MIIP: variants seen among roughly 807,000 people sequenced by gnomAD.
The protein encoded by MIIP is migration and invasion-inhibitory protein.
A neutral mutation model predicts 44.8 loss-of-function variants in MIIP; 44 were observed. The observed-to-expected ratio is 0.98, with a 90% confidence interval of 0.77 to 1.26. The LOEUF is 1.26. Ranked by LOEUF, MIIP falls within the 50% of genes most tolerant of loss-of-function variation. MIIP has a pLI of 0.00. For missense variants in MIIP, 496 were observed against 511.7 expected (o/e 0.97, Z 0.30); for synonymous variants, 225 against 218.3 (o/e 1.03, Z -0.27).
intron 6 of MIIP, 106 bp downstream of exon 6, chr1:12,029,387 C>T (rs763660475): frequency 2.4e-6 from 3 of 1,267,484 alleles, no homozygotes; most frequent in South Asian, 1.4e-5. Flanking sequence ...CTGGGGAGGC[C>T]CCTGAGATGT....
At chr1:12,030,464 C>T (rs1340872677) in intron 8 of MIIP, among the ~76,000 whole-genome samples, 1 of 152,000 alleles carries the variant, frequency 6.6e-6, no homozygotes, top group Non-Finnish European at 1.5e-5. Flanking sequence ...TGCTGTACCC[C>T]CACCCTGCAG....
chr1:12,028,883 G>A lies in MIIP; in HGVS notation c.548-150G>A, dbSNP rs1196245342. ...CCAACCAACAGTCCCAGTGACTGGA[G>A]GGGCCCTCCTGGCCTGTTTGAGGCA... On this transcript the variant is annotated intron_variant, in intron 4 of 9. Coordinates refer to ENST00000235332, the MANE Select transcript of MIIP (RefSeq NM_021933.4). 6 of 627,814 alleles carry A rather than the reference G, an allele frequency of 9.6e-6. No homozygotes were observed. The East Asian group carries it at 1.6e-4, about 17-fold the overall frequency. The allele number at this position is 627,814 out of a possible 1,614,324, so 38.9% of individuals were successfully genotyped here.
rs746180536 is a variant in MIIP at position 12,031,420 on chromosome 1, A to G, written c.1080+17A>G. Reference sequence around the variant, plus strand: ...TTTCACCCGGTACGGTCCAGATCGCATCCTAGCCTGGGGTGCCCCCTAGAG... The same window carrying G: ...TTTCACCCGGTACGGTCCAGATCGCGTCCTAGCCTGGGGTGCCCCCTAGAG... On this transcript the variant is annotated intron_variant, in intron 9 of 9. Transcript: ENST00000235332. The G allele has an allele frequency of 6.2e-7, 1 of 1,609,074 alleles. No homozygotes were observed. Among genetic ancestry groups the G allele is most frequent in the East Asian group, 2.2e-5 (1 of 44,778 alleles).
chr1:12,029,953 G>T (rs1267381446), intron 7 of MIIP, 59 bp downstream of exon 7: 1 of 1,608,926 alleles, frequency 6.2e-7, no homozygotes, highest in Non-Finnish European at 8.5e-7. Flanking sequence ...CTGGTTTTAA[G>T]AAAAGATGGG....
Position 12,028,605 on chromosome 1 carries a change from C to T in MIIP, c.548-428C>T, listed in dbSNP as rs118055893. 2.2e-3 allele frequency: 381 copies of T among 173,266 alleles called. 9 individuals are homozygous for T. In the East Asian group the frequency reaches 0.036, roughly 17 times the overall value. The allele number at this position is 173,266 out of a possible 1,614,324, so 10.7% of individuals were successfully genotyped here. A position where few individuals can be genotyped will look rare whatever the true frequency, so the allele number is the denominator to read the frequency against. ...AGAGGCCTTCCCTGGTATGGCTGCC[C>T]GGCCATACTAGGCTCTGACGCTGCT... On this transcript the variant is annotated intron_variant, in intron 4 of 9. Coordinates refer to ENST00000235332, the MANE Select transcript of MIIP (RefSeq NM_021933.4).
At chr1:12,024,853 C>G (rs1169032159) in intron 4 of MIIP, among the ~76,000 whole-genome samples, 1 of 152,172 alleles carries the variant, frequency 6.6e-6, no homozygotes, top group African/African-American at 2.4e-5. Context: ...CCCATTCCCC[C>G]TCCCTCCAGC....
At chr1:12,028,782 A>G (rs1640158142) in intron 4 of MIIP, 1 of 520,088 alleles carries the variant, frequency 1.9e-6, no homozygotes, top group Non-Finnish European at 3.5e-6. Context: ...AACAGCATCT[A>G]GCCCTGTCAT....
chr1:12,031,018 A>T, intron 8 of MIIP: 1 of 509,176 alleles, frequency 2.0e-6, no homozygotes, highest in Non-Finnish European at 3.5e-6. Flanking sequence ...TACAGCAGGA[A>T]GTACCCTGTG....
rs1244090746 is a variant in MIIP, at chr1:12,021,695, G to A, written c.-32G>A. ...GCCCTGAGGACATCCTGCGGCCCAG[G>A]GGCAAGTGACACCTGCTGAGAGAGG... On this transcript the variant is annotated 5_prime_UTR_variant, in exon 2 of 10. Coordinates refer to ENST00000235332, the MANE Select transcript of MIIP (RefSeq NM_021933.4). 6.3e-7 allele frequency: 1 copy of A among 1,597,280 alleles called. No homozygotes were observed. The highest frequency in any genetic ancestry group is 1.7e-5 in the Admixed American group (1 of 59,618).
Position 12,021,816 on chromosome 1 carries a change from G to T in MIIP, c.90G>T (p.Arg30=), listed in dbSNP as rs780052349. 6.2e-7 allele frequency: 1 copy of T among 1,611,182 alleles called. No homozygotes were observed. Among genetic ancestry groups the T allele is most frequent in the South Asian group, 1.1e-5 (1 of 90,954 alleles). Residue 30 remains arginine (R), a synonymous_variant, in exon 2 of 10, where the codon CGG becomes CGT. Transcript: ENST00000235332. ...GGGTGGGGCAGGATGCTGTGCGGCGGTCAGTGGCCAGGGCAGCCTCGGAGG... is the reference window on the plus strand; with the variant it reads ...GGGTGGGGCAGGATGCTGTGCGGCGTTCAGTGGCCAGGGCAGCCTCGGAGG... ...QLWVGQDAVR[R]SVARAASESS...
rs755823829 is a variant in MIIP at position 12,029,860 on chromosome 1, G to A, written c.811G>A (p.Gly271Ser). 1.2e-6 allele frequency: 2 copies of A among 1,613,300 alleles called. No individual in the cohort carries two copies. Among genetic ancestry groups the A allele is most frequent in the South Asian group, 1.1e-5 (1 of 91,044 alleles). The change falls in exon 7 of 10, where the codon GGC becomes AGC. Residue 271 changes from glycine (G) to serine (S), a missense_variant. Transcript: ENST00000235332. ...RLCRTPRDQQ[G>S]PGTLAQPAHV... is the part of the protein sequence containing the mutation. ...GTGCAGGACACCGCGAGACCAGCAG[G>A]GCCCTGGGACCCTGGCGCAGCCAGC...
chr1:12,022,724 G>A (rs762314006), intron 3 of MIIP, 109 bp from the exon 4 acceptor site: 3 of 882,978 alleles, frequency 3.4e-6, no homozygotes, highest in Non-Finnish European at 5.3e-6. Flanking sequence ...GCCCTGGGCT[G>A]CAAGTCAGGG....
intron 4 of MIIP, chr1:12,024,011 A>G (rs898164693): frequency 4.6e-5 from 7 of 152,212 alleles, no homozygotes; most frequent in African/African-American, 1.7e-4. Flanking sequence ...TAAGCAAGCA[A>G]AAAAAACCAG....
At chr1:12,029,675 G>T in intron 6 of MIIP, 90 bp from the exon 7 acceptor site, 1 of 1,522,196 alleles carries the variant, frequency 6.6e-7, no homozygotes, top group South Asian at 1.2e-5. Flanking sequence ...TTGGCAGCTT[G>T]TGTGGTTGGG....
Position 12,031,882 on chromosome 1 carries a change from T to TTCCATCTCCTG in MIIP, c.*74_*75insTCCATCTCCTG. ...CCCTCTGGCAGGCGCACCCAGGAGA[T>TTCCATCTCCTG]GGAATCCCCTGCCCGCCCAGCTCAG... On this transcript the variant is annotated 3_prime_UTR_variant, in exon 10 of 10. Coordinates refer to ENST00000235332, the MANE Select transcript of MIIP (RefSeq NM_021933.4). The TTCCATCTCCTG allele has an allele frequency of 1.4e-6, 2 of 1,439,766 alleles. No homozygotes were observed. The highest frequency in any genetic ancestry group is 1.9e-6 in the Non-Finnish European group (2 of 1,036,676). The allele number at this position is 1,439,766 out of a possible 1,614,324, so 89.2% of individuals were successfully genotyped here. A position where few individuals can be genotyped will look rare whatever the true frequency, so the allele number is the denominator to read the frequency against.
At chr1:12,029,508 TC>T in intron 6 of MIIP, 1 of 683,906 alleles carries the variant, frequency 1.5e-6, no homozygotes, top group African/African-American at 1.8e-5. Context: ...TGTGGCACCA[TC>T]CCACCCTCCC....
At chr1:12,028,518 A>G (rs1640151986) in intron 4 of MIIP, among the ~76,000 whole-genome samples, 1 of 151,400 alleles carries the variant, frequency 6.6e-6, no homozygotes, top group African/African-American at 2.4e-5. Context: ...TCTCCCTGCG[A>G]TGTCCTTCCT....
chr1:12,031,701 A>G, intron 9 of MIIP, 21 bp from the exon 10 acceptor site: 1 of 1,613,840 alleles, frequency 6.2e-7, no homozygotes, highest in Non-Finnish European at 8.5e-7. Flanking sequence ...CCCCCCTGAG[A>G]CTTCCCTATT....
At chr1:12,024,315 C>T (rs1640054725) in intron 4 of MIIP, among the ~76,000 whole-genome samples, 1 of 152,216 alleles carries the variant, frequency 6.6e-6, no homozygotes, top group South Asian at 2.1e-4. Flanking sequence ...GCAACCTAAC[C>T]TCAGCTGCCT....
Sources: gnomAD v4.1 joint callset for allele counts (sites outside exome capture counted in the v4.1 genomes callset) on GRCh38, gnomAD v4.1.1 for gene constraint, MANE v1.5 for transcripts, NCBI Gene and HGNC (gene_info 2026-07-23, HGNC 2026-07-21) for gene names.